PCSK5: variants seen among roughly 807,000 people sequenced by gnomAD.
The protein encoded by PCSK5 is proprotein convertase subtilisin/kexin type 5, also known as prohormone convertase 5.
A neutral mutation model predicts 233.2 loss-of-function variants in PCSK5; 129 were observed. The observed-to-expected ratio is 0.55, with a 90% CI of 0.48 to 0.64. PCSK5 has a LOEUF of 0.64. PCSK5 is among the 30% of genes least tolerant of loss of function. The probability of loss-of-function intolerance (pLI) is 0.00; values close to 1 mark genes in which losing one functional copy is unlikely to be tolerated. For synonymous variants in PCSK5, 825 were observed against 879.2 expected (o/e 0.94, Z 1.09); for missense variants, 2,076 against 2,430.1 (o/e 0.85, Z 3.06).
At chr9:75,913,310 C>A (rs1005444308) in intron 1 of PCSK5, among the ~76,000 whole-genome samples, 1 of 152,204 alleles carries the variant, frequency 6.6e-6, no homozygotes, top group African/African-American at 2.4e-5. Flanking sequence ...AACCCTATTG[C>A]ATTTTGATGC....
intron 29 of PCSK5, 96 bp from the exon 30 acceptor site, chr9:76,310,560 G>A: frequency 1.4e-6 from 1 of 712,528 alleles, no homozygotes; most frequent in Non-Finnish European, 2.1e-6. Flanking sequence ...TAAGTGCCTG[G>A]ATACTTTGGT....
intron 5 of PCSK5, among the ~76,000 whole-genome samples, chr9:76,032,670 C>T (rs1242056440): frequency 6.6e-6 from 1 of 152,148 alleles, no homozygotes; most frequent in Non-Finnish European, 1.5e-5. Flanking sequence ...TATTAGCTTG[C>T]CAAATAAAGC....
intron 20 of PCSK5, chr9:76,193,696 G>A (rs1204188845): frequency 1.1e-5 from 2 of 184,336 alleles, no homozygotes; most frequent in East Asian, 2.8e-4. Context: ...GGTTTTGAAG[G>A]TCCATTTTTT....
chr9:76,282,929 T>G (rs10124008), intron 24 of PCSK5, among the ~76,000 whole-genome samples: 19,924 of 152,074 alleles, frequency 0.13, 1,814 homozygotes, highest in African/African-American at 0.26. Flanking sequence ...GACTGGGAAG[T>G]TTCAAGACTT....
intron 5 of PCSK5, among the ~76,000 whole-genome samples, chr9:76,030,003 TA>T (rs1267819377): frequency 6.6e-6 from 1 of 152,182 alleles, no homozygotes; most frequent in African/African-American, 2.4e-5. Context: ...AAAAAGTTTC[TA>T]AATTCTGGAG....
chr9:76,326,710 G>C lies in PCSK5; in HGVS notation c.4340-1299G>C, dbSNP rs570646508. The stretch of plus-strand genomic sequence containing the variant: ...CTTACAGGGGGGCCTGCTATGTGCC[G>C]TGTGCTCTTTCAGGTCTGGGGAACA... On this transcript the variant is annotated intron_variant, in intron 32 of 37. Transcript: ENST00000674117. 1.3e-4 allele frequency among the ~76,000 whole-genome samples: 20 copies of C among 152,296 alleles called. No homozygotes were observed. The South Asian group carries it at 3.9e-3, about 30-fold the overall frequency.
At chr9:76,185,013 A>T (rs1356057131) in intron 17 of PCSK5, among the ~76,000 whole-genome samples, 3 of 152,190 alleles carry the variant, frequency 2.0e-5, no homozygotes, top group African/African-American at 7.2e-5. Flanking sequence ...AAACTCAATA[A>T]AAATGGCCAT....
In PCSK5 at chr9:76,221,050, C is replaced by CA. The variant is rs908914866; in HGVS notation, c.2627-6446dup. On this transcript the variant is annotated intron_variant, in intron 20 of 37. Coordinates refer to ENST00000674117, the MANE Select transcript of PCSK5 (RefSeq NM_001372043.1). ...AGACCCTCAACCAAGTTAATTCATT[C>CA]AAAAAAATATTTCTGAGTTCCTCTT... Among the ~76,000 whole-genome samples the CA allele has an allele frequency of 3.3e-5, 5 of 152,052 alleles. No individual in the cohort carries two copies. In the East Asian group the frequency reaches 7.7e-4, roughly 23 times the overall value.
intron 2 of PCSK5, among the ~76,000 whole-genome samples, chr9:75,942,625 C>T (rs1327832134): frequency 2.0e-5 from 3 of 152,172 alleles, no homozygotes; most frequent in Non-Finnish European, 4.4e-5. Context: ...TTCTTGTTCT[C>T]TTCTGCTTTA....
chr9:76,296,540 C>G, intron 26 of PCSK5, 125 bp from the exon 27 acceptor site: 1 of 653,134 alleles, frequency 1.5e-6, no homozygotes, highest in Non-Finnish European at 2.7e-6. Context: ...GAGACTCCAT[C>G]TCAAAAATAA....
intron 2 of PCSK5, 145 bp downstream of exon 2, chr9:75,932,628 C>T: frequency 1.6e-6 from 1 of 612,536 alleles, no homozygotes; most frequent in South Asian, 2.1e-5. Flanking sequence ...TCTATGCTTC[C>T]TCTTTAGACA....
intron 1 of PCSK5, among the ~76,000 whole-genome samples, chr9:75,909,111 G>A (rs1822597122): frequency 6.6e-6 from 1 of 151,916 alleles, no homozygotes; most frequent in Admixed American, 6.6e-5. Context: ...GATCACCTGA[G>A]GTTAGGAGTT....
intron 34 of PCSK5, among the ~76,000 whole-genome samples, chr9:76,334,191 C>T (rs1806405866): frequency 6.6e-6 from 1 of 152,084 alleles, no homozygotes; most frequent in African/African-American, 2.4e-5. Flanking sequence ...TGGGGGAAAC[C>T]GCCCCTACAA....
chr9:76,025,914 A>G (rs990471430), intron 4 of PCSK5, among the ~76,000 whole-genome samples: 1 of 152,166 alleles, frequency 6.6e-6, no homozygotes, highest in African/African-American at 2.4e-5. Context: ...TGAATTTTTA[A>G]AATACCAAAA....
In PCSK5 at chr9:76,361,783, A is replaced by T. The variant is rs1172496390; in HGVS notation, c.*2861A>T. The stretch of plus-strand genomic sequence containing the variant: ...ACTTTCAATTCTTAGAAACATATAA[A>T]AATATATGCATGATAGCCATCATAT... On this transcript the variant is annotated 3_prime_UTR_variant, in exon 38 of 38. Transcript: ENST00000674117. The T allele has an allele frequency of 1.3e-5, 2 of 152,212 alleles. No individual in the cohort carries two copies. Among genetic ancestry groups the T allele is most frequent in the Non-Finnish European group, 2.9e-5 (2 of 68,042 alleles). The allele number at this position is 152,212 out of a possible 1,614,324, so 9.4% of individuals were successfully genotyped here. A position where few individuals can be genotyped will look rare whatever the true frequency, so the allele number is the denominator to read the frequency against.
intron 19 of PCSK5, among the ~76,000 whole-genome samples, 159 bp from the exon 20 acceptor site, chr9:76,189,472 G>T (rs759525683): frequency 4.6e-5 from 7 of 152,142 alleles, no homozygotes; most frequent in Non-Finnish European, 8.8e-5. Flanking sequence ...AAATCACAGT[G>T]TCTACCTGTG....
chr9:76,088,432 T>C (rs970117654), intron 7 of PCSK5, among the ~76,000 whole-genome samples: 3 of 152,226 alleles, frequency 2.0e-5, no homozygotes, highest in Non-Finnish European at 4.4e-5. Context: ...ATACATATAA[T>C]AGTTCCTCTG....
chr9:76,039,235 A>G (rs1003024576), intron 5 of PCSK5, among the ~76,000 whole-genome samples: 2 of 152,182 alleles, frequency 1.3e-5, no homozygotes, highest in African/African-American at 2.4e-5. Flanking sequence ...ACTTATTTCA[A>G]TTATAGGATA....
At chr9:75,905,679 A>AGGT (rs1564072536) in intron 1 of PCSK5, among the ~76,000 whole-genome samples, 1 of 152,236 alleles carries the variant, frequency 6.6e-6, no homozygotes, top group Non-Finnish European at 1.5e-5. Flanking sequence ...AGTAAGGGGC[A>AGGT]GGTGAGCCGC....
Sources: gnomAD v4.1 joint callset for allele counts (sites outside exome capture counted in the v4.1 genomes callset) on GRCh38, gnomAD v4.1.1 for gene constraint, MANE v1.5 for transcripts, NCBI Gene and HGNC (gene_info 2026-07-23, HGNC 2026-07-21) for gene names.